CHST11: variants seen among roughly 807,000 people sequenced by gnomAD.
CHST11 encodes C4S-1.
Under a neutral mutation model 30.4 loss-of-function variants are expected in CHST11, and 9 were observed. The observed-to-expected ratio is 0.30, with a 90% CI of 0.18 to 0.52. CHST11 has a LOEUF of 0.52. Among genes scored for constraint, CHST11 ranks in the 20% least tolerant of loss-of-function variants. The pLI is 0.97. For synonymous variants in CHST11, 152 were observed against 187.8 expected, an observed-to-expected ratio of 0.81 and a Z score of 1.56; for missense variants, 348 against 460.6, an observed-to-expected ratio of 0.76 and a Z score of 2.24.
Position 104,492,421 on chromosome 12 carries a change from C to T in CHST11, c.118+34892C>T, listed in dbSNP as rs77074661. 0.012 allele frequency among the ~76,000 whole-genome samples: 1,798 copies of T among 152,180 alleles called. 62 individuals are homozygous for T. The East Asian group carries it at 0.15, about 12-fold the overall frequency. On this transcript the variant is annotated intron_variant, in intron 1 of 2. Coordinates refer to ENST00000303694, the MANE Select transcript of CHST11 (RefSeq NM_018413.6). ...AAAATTAGCTTCTTTCTTCTTTTTC[C>T]TTGTTATCATCCATTTCCCCGAACC... is the stretch of plus-strand genomic sequence containing the variant.
chr12:104,500,323 T>G (rs1415296124), intron 1 of CHST11, among the ~76,000 whole-genome samples: 1 of 152,192 alleles, frequency 6.6e-6, no homozygotes, highest in Admixed American at 6.5e-5. Flanking sequence ...TTTTTTTACA[T>G]TGGGAGGTAA....
intron 2 of CHST11, among the ~76,000 whole-genome samples, chr12:104,750,158 T>G (rs1162384682): frequency 6.6e-6 from 1 of 152,024 alleles, no homozygotes; most frequent in Non-Finnish European, 1.5e-5. Context: ...TGATGAGCTT[T>G]TACCAAGTAA....
intron 2 of CHST11, among the ~76,000 whole-genome samples, chr12:104,607,784 T>C (rs930617759): frequency 1.3e-5 from 2 of 152,166 alleles, no homozygotes; most frequent in Non-Finnish European, 2.9e-5. Flanking sequence ...TCTGCCATTC[T>C]GGTCATTTCC....
chr12:104,759,461 T>C lies in CHST11; in HGVS notation c.*1658T>C, dbSNP rs1234563887. 7.3e-6 allele frequency: 1 copy of C among 137,202 alleles called. No individual in the cohort carries two copies. Among genetic ancestry groups the C allele is most frequent in the Non-Finnish European group, 1.6e-5 (1 of 64,280 alleles). 8.5% of individuals were successfully genotyped at this position (137,202 alleles called of 1,614,324 possible). On this transcript the variant is annotated 3_prime_UTR_variant, in exon 3 of 3. Coordinates refer to ENST00000303694, the MANE Select transcript of CHST11 (RefSeq NM_018413.6). ...TATATAATAATAATAATAGTTTTAA[T>C]AATAGGGGAGGGTGGGATGGGGTGT... is the stretch of plus-strand genomic sequence containing the variant.
At chr12:104,680,413 C>G (rs1330214069) in intron 2 of CHST11, among the ~76,000 whole-genome samples, 1 of 152,180 alleles carries the variant, frequency 6.6e-6, no homozygotes, top group Non-Finnish European at 1.5e-5. Context: ...CAAGGAAACC[C>G]TGATGAATGT....
Position 104,760,400 on chromosome 12 carries a change from T to G in CHST11, c.*2597T>G, listed in dbSNP as rs1236203328. The G allele has an allele frequency of 6.6e-6, 1 of 152,122 alleles. No homozygotes were observed. Among genetic ancestry groups the G allele is most frequent in the Non-Finnish European group, 1.5e-5 (1 of 68,080 alleles). The allele number at this position is 152,122 out of a possible 1,614,324, so 9.4% of individuals were successfully genotyped here. A position where few individuals can be genotyped will look rare whatever the true frequency, so the allele number is the denominator to read the frequency against. On this transcript the variant is annotated 3_prime_UTR_variant, in exon 3 of 3. Coordinates refer to ENST00000303694, the MANE Select transcript of CHST11 (RefSeq NM_018413.6). ...CTCCCAGAGGGAGTGGAGGAAGTCT[T>G]GGGTGGTGTGGACAGAAGGAAGAGA...
At chr12:104,635,584 G>A (rs1408073618) in intron 2 of CHST11, among the ~76,000 whole-genome samples, 6 of 152,302 alleles carry the variant, frequency 3.9e-5, no homozygotes, top group East Asian at 1.9e-4. Flanking sequence ...TGATGGCTTC[G>A]CCGTTTTCCA....
At chr12:104,594,259 C>G (rs2038887254) in intron 1 of CHST11, among the ~76,000 whole-genome samples, 1 of 139,374 alleles carries the variant, frequency 7.2e-6, no homozygotes, top group African/African-American at 2.8e-5. Flanking sequence ...GTATTTTCCT[C>G]TGCAAATGAG....
At chr12:104,703,284 G>T (rs78798404) in intron 2 of CHST11, among the ~76,000 whole-genome samples, 3 of 152,122 alleles carry the variant, frequency 2.0e-5, no homozygotes, top group Non-Finnish European at 4.4e-5. Flanking sequence ...ACTTGTTCCC[G>T]CAGCTGCCTC....
rs1180050276 is a variant in CHST11 at position 104,457,276 on chromosome 12, G to A, written c.-136G>A. 5 of 606,858 alleles carry A rather than the reference G, an allele frequency of 8.2e-6. No individual in the cohort carries two copies. The highest frequency in any genetic ancestry group is 5.9e-5 in the Admixed American group (2 of 33,886). The allele number at this position is 606,858 out of a possible 1,614,324, so 37.6% of individuals were successfully genotyped here. On this transcript the variant is annotated 5_prime_UTR_variant, in exon 1 of 3. Coordinates refer to ENST00000303694, the MANE Select transcript of CHST11 (RefSeq NM_018413.6). ...GGGGCTCCGAGAGCGGCCGCGAAGC[G>A]ACTCCGATCCTCCCTCTGAGCCTTG... is the stretch of plus-strand genomic sequence containing the variant.
intron 2 of CHST11, among the ~76,000 whole-genome samples, chr12:104,688,114 C>T (rs913203691): frequency 1.3e-5 from 2 of 152,120 alleles, no homozygotes; most frequent in Non-Finnish European, 2.9e-5. Context: ...TCCCTGTGTG[C>T]GCGTTAAGAA....
At chr12:104,736,902 G>T (rs984276756) in intron 2 of CHST11, among the ~76,000 whole-genome samples, 1 of 152,184 alleles carries the variant, frequency 6.6e-6, no homozygotes, top group African/African-American at 2.4e-5. Context: ...GCTGCATAAA[G>T]CATCTTCATT....
chr12:104,744,340 TTC>T (rs142586670), intron 2 of CHST11, among the ~76,000 whole-genome samples: 2,181 of 152,362 alleles, frequency 0.014, 53 homozygotes, highest in African/African-American at 0.05. Flanking sequence ...TGATTTGCAT[TTC>T]TCTAATGATC....
intron 1 of CHST11, among the ~76,000 whole-genome samples, chr12:104,584,024 T>C (rs1459121613): frequency 1.3e-5 from 2 of 152,160 alleles, no homozygotes; most frequent in Non-Finnish European, 2.9e-5. Context: ...AAAGATCCCT[T>C]GAGTAAAAAT....
chr12:104,583,149 A>G (rs941954960), intron 1 of CHST11, among the ~76,000 whole-genome samples: 1 of 152,084 alleles, frequency 6.6e-6, no homozygotes, highest in Non-Finnish European at 1.5e-5. Context: ...AATCTTGTAC[A>G]TGGTTTTCTT....
chr12:104,536,113 C>G (rs2038235309), intron 1 of CHST11, among the ~76,000 whole-genome samples: 2 of 152,130 alleles, frequency 1.3e-5, no homozygotes, highest in Admixed American at 6.6e-5. Context: ...CAAAGCAGGA[C>G]AAGTCTTCTT....
At chr12:104,687,832 A>T (rs751977869) in intron 2 of CHST11, among the ~76,000 whole-genome samples, 1 of 152,130 alleles carries the variant, frequency 6.6e-6, no homozygotes, top group South Asian at 2.1e-4. Flanking sequence ...AACACCAACA[A>T]TATTTCCTGG....
At chr12:104,607,718 G>T (rs1566005665) in intron 2 of CHST11, among the ~76,000 whole-genome samples, 1 of 152,122 alleles carries the variant, frequency 6.6e-6, no homozygotes, top group Non-Finnish European at 1.5e-5. Flanking sequence ...TGATGCCAGG[G>T]GCGGATCGGA....
intron 1 of CHST11, among the ~76,000 whole-genome samples, chr12:104,582,097 G>A (rs775407828): frequency 6.6e-6 from 1 of 152,174 alleles, no homozygotes; most frequent in Non-Finnish European, 1.5e-5. Flanking sequence ...CCTTATTTGC[G>A]AGAAATTGAA....
Sources: allele counts gnomAD v4.1 joint callset (sites outside exome capture counted in the v4.1 genomes callset), GRCh38; gene constraint gnomAD v4.1.1; transcripts MANE v1.5; gene names NCBI Gene and HGNC (gene_info 2026-07-23, HGNC 2026-07-21).